KSR1: variants seen among roughly 807,000 people sequenced by gnomAD.
The protein encoded by KSR1 is kinase suppressor of ras.
KSR1 carries 35 observed loss-of-function variants against 92.9 expected under a neutral mutation model. That is an observed-to-expected ratio of 0.38 (90% CI 0.29 to 0.50). The LOEUF is 0.50. KSR1 is among the 20% of genes least tolerant of loss of function. KSR1 has a pLI of 0.94. For synonymous variants in KSR1, 467 were observed against 472.6 expected, an observed-to-expected ratio of 0.99 and a Z score of 0.15; for missense variants, 972 against 1,158.5, an observed-to-expected ratio of 0.84 and a Z score of 2.34.
Position 27,583,036 on chromosome 17 carries a change from C to T in KSR1, c.911C>T (p.Pro304Leu). 6.2e-7 allele frequency: 1 copy of T among 1,609,046 alleles called. No homozygotes were observed. The highest frequency in any genetic ancestry group is 8.5e-7 in the Non-Finnish European group (1 of 1,178,002). Residue 304 changes from proline (P) to leucine (L), a missense_variant, in exon 4 of 21, where the codon CCC (proline) becomes CTC (leucine). This residue lies in a region of KSR1 where 611 missense variants were observed against 668.0 expected (regional missense o/e 0.91). Coordinates refer to ENST00000644974, the MANE Select transcript of KSR1 (RefSeq NM_001394583.1). ...RKVFQLLPSF[P>L]TLTRSKSHES... The stretch of plus-strand genomic sequence containing the variant: ...GTCTTCCAGCTGCTGCCCAGCTTCC[C>T]CACACTCACCCGGAGCAAGTCCCAT...
intron 4 of KSR1, chr17:27,583,950 TTG>T: frequency 1.0e-6 from 1 of 983,942 alleles, no homozygotes; most frequent in Non-Finnish European, 1.2e-6. Flanking sequence ...GCTAGCAGTT[TTG>T]TGTATGTCTA....
chr17:27,606,261 AGAGT>A (rs954325719), intron 14 of KSR1, among the ~76,000 whole-genome samples: 5 of 152,214 alleles, frequency 3.3e-5, no homozygotes, highest in African/African-American at 1.2e-4. Flanking sequence ...CCTGGGTGAC[AGAGT>A]GAGACCTTTC....
chr17:27,472,634 C>G (rs2020076511), intron 1 of KSR1, among the ~76,000 whole-genome samples: 1 of 152,192 alleles, frequency 6.6e-6, no homozygotes, highest in South Asian at 2.1e-4. Context: ...CAAACCCCGT[C>G]TCTACTAAAA....
At chr17:27,566,288 C>T (rs983141628) in intron 2 of KSR1, 13 of 391,678 alleles carry the variant, frequency 3.3e-5, no homozygotes, top group Non-Finnish European at 5.9e-5. Context: ...GCACCTGCCC[C>T]GGGAAGTATG....
At chr17:27,600,851 C>T (rs776941100) in intron 10 of KSR1, among the ~76,000 whole-genome samples, 1 of 152,150 alleles carries the variant, frequency 6.6e-6, no homozygotes. Flanking sequence ...AGTTATGTGG[C>T]AGAATTGAGG....
chr17:27,571,196 C>G (rs946101405), intron 2 of KSR1, among the ~76,000 whole-genome samples: 2 of 152,140 alleles, frequency 1.3e-5, no homozygotes, highest in Admixed American at 1.3e-4. Flanking sequence ...AGGCTGGGCC[C>G]GGAACTGGCC....
At chr17:27,607,831 A>C in intron 14 of KSR1, 83 bp from the exon 15 acceptor site, 1 of 987,036 alleles carries the variant, frequency 1.0e-6, no homozygotes, top group South Asian at 1.4e-5. Context: ...AGACGGGCAC[A>C]GTTCTCCCCA....
At chr17:27,570,333 CCT>C (rs1429536699) in intron 2 of KSR1, among the ~76,000 whole-genome samples, 14 of 152,204 alleles carry the variant, frequency 9.2e-5, no homozygotes, top group African/African-American at 3.1e-4. Flanking sequence ...AGTTACCCGC[CCT>C]CTCTCAGCCT....
In KSR1 at chr17:27,459,911, C is replaced by T. The variant is rs867349301; in HGVS notation, c.231+3037C>T. Among the ~76,000 whole-genome samples the T allele has an allele frequency of 6.6e-6, 1 of 152,192 alleles. No individual in the cohort carries two copies. Among genetic ancestry groups the T allele is most frequent in the African/African-American group, 2.4e-5 (1 of 41,430 alleles). ...TGGAAAAGGGTAGAAGGAGCTGAGA[C>T]TTAACGTTTGCTGCCTGTGTGCCTA... On this transcript the variant is annotated intron_variant, in intron 1 of 20. Transcript: ENST00000644974. The surrounding 1 kb of genome is among the most constrained non-coding windows in gnomAD (Gnocchi z 4.6).
intron 17 of KSR1, chr17:27,611,170 G>A: frequency 3.3e-6 from 1 of 305,946 alleles, no homozygotes; most frequent in Admixed American, 4.6e-5. Flanking sequence ...AGAGACATTA[G>A]CCCCACTGAG....
intron 1 of KSR1, among the ~76,000 whole-genome samples, chr17:27,512,384 C>G (rs2069632336): frequency 6.6e-6 from 1 of 152,140 alleles, no homozygotes; most frequent in African/African-American, 2.4e-5. Context: ...TTCCAGGCAT[C>G]CTGGAGGGGT....
At chr17:27,505,634 T>G (rs1231948772) in intron 1 of KSR1, among the ~76,000 whole-genome samples, 1 of 152,206 alleles carries the variant, frequency 6.6e-6, no homozygotes, top group African/African-American at 2.4e-5. Flanking sequence ...AAAATGGGGA[T>G]GGTAGCAGTA....
intron 2 of KSR1, among the ~76,000 whole-genome samples, chr17:27,573,822 C>T (rs1335204587): frequency 3.9e-5 from 6 of 152,104 alleles, no homozygotes; most frequent in African/African-American, 1.4e-4. Flanking sequence ...CATCTACTTG[C>T]GGAGTTGATT....
intron 19 of KSR1, among the ~76,000 whole-genome samples, chr17:27,620,219 G>A (rs1487129845): frequency 5.3e-5 from 8 of 152,186 alleles, no homozygotes; most frequent in East Asian, 1.9e-4. Flanking sequence ...AGGATGGGTC[G>A]GAGTCCAGTA....
chr17:27,569,400 C>T (rs576013880), intron 2 of KSR1, among the ~76,000 whole-genome samples: 25 of 152,380 alleles, frequency 1.6e-4, no homozygotes, highest in African/African-American at 5.3e-4. Context: ...GCCCGCAAGC[C>T]TGTCCTGCTG....
intron 7 of KSR1, 148 bp downstream of exon 7, chr17:27,591,042 G>A (rs2073150366): frequency 6.0e-6 from 4 of 669,766 alleles, no homozygotes; most frequent in African/African-American, 1.8e-5. Context: ...AGTTACTCCT[G>A]GAAGAAGGGA....
intron 20 of KSR1, chr17:27,621,878 G>T: frequency 6.2e-7 from 1 of 1,606,618 alleles, no homozygotes; most frequent in South Asian, 1.1e-5. Flanking sequence ...GCTCTGCATT[G>T]GGGCTATGAT....
At chr17:27,507,395 T>G (rs2069425646) in intron 1 of KSR1, among the ~76,000 whole-genome samples, 1 of 151,894 alleles carries the variant, frequency 6.6e-6, no homozygotes, top group East Asian at 1.9e-4. Flanking sequence ...ATCATGCCAC[T>G]GCACTCTAGC....
At chr17:27,491,359 TGGGGTAGGGGCG>T (rs2068825497) in intron 1 of KSR1, among the ~76,000 whole-genome samples, 1 of 72,214 alleles carries the variant, frequency 1.4e-5, no homozygotes. Flanking sequence ...GTGTTGGGGG[TGGGGTAGGGGCG>T]GGGGTGGAAT....
Sources: allele counts gnomAD v4.1 joint callset (sites outside exome capture counted in the v4.1 genomes callset), GRCh38; gene constraint gnomAD v4.1.1; regional missense constraint gnomAD v4.1.1; non-coding constraint Gnocchi (gnomAD v3.1); transcripts MANE v1.5; gene names NCBI Gene and HGNC (gene_info 2026-07-23, HGNC 2026-07-21).